The following PDZD7 variants were observed in gnomAD, a reference collection of about 807,000 sequenced individuals.
The protein encoded by PDZD7 is PDZ domain containing 7, also known as PDZ domain-containing protein 7.
Under a neutral mutation model 84.7 loss-of-function variants are expected in PDZD7, and 72 were observed. That is an observed-to-expected ratio of 0.85 (90% CI 0.70 to 1.03). The LOEUF is 1.03. Among genes scored for constraint, PDZD7 ranks in the 50% least tolerant of loss-of-function variants. The pLI is 0.00. For synonymous variants in PDZD7, 594 were observed against 580.7 expected (o/e 1.02, Z -0.33); for missense variants, 1,490 against 1,412.9 (o/e 1.05, Z -0.87).
Position 101,010,840 on chromosome 10 carries a change from C to T in PDZD7, c.2049G>A (p.Pro683=), listed in dbSNP as rs34693310. ...GFYLLPVNGF[P]EEEDNGELRE... ...TCAGCTCCCCATTATCTTCCTCTTC[C>T]GGGAAGCCGTTCACCGGCAGCAGGT... Residue 683 remains proline (P), a synonymous_variant, in exon 15 of 17, where the codon CCG becomes CCA. Transcript: ENST00000619208. 55,313 of 1,534,700 alleles carry T rather than the reference C, an allele frequency of 0.036. 1,554 individuals carry two copies. The highest frequency in any genetic ancestry group is 0.14 in the African/African-American group (10,282 of 73,006).
In PDZD7 at chr10:101,029,986, G is replaced by T. The variant is rs773262625; in HGVS notation, c.226+8C>A. Reference sequence around the variant, plus strand: ...CAACCCAGGCCAGTGGCTGGGTCCCGCCCCTACCTTCGATGGGGGAGTTGA... The same window carrying T: ...CAACCCAGGCCAGTGGCTGGGTCCCTCCCCTACCTTCGATGGGGGAGTTGA... On this transcript the variant is annotated splice_region_variant and intron_variant, in intron 2 of 16. Transcript: ENST00000619208. 20 of 861,690 alleles carry T rather than the reference G, an allele frequency of 2.3e-5. No individual in the cohort carries two copies. In the African/African-American group the frequency reaches 3.1e-4, roughly 14 times the overall value. The allele number at this position is 861,690 out of a possible 1,614,324, so 53.4% of individuals were successfully genotyped here. A position where few individuals can be genotyped will look rare whatever the true frequency, so the allele number is the denominator to read the frequency against.
Position 101,019,118 on chromosome 10 carries a change from G to T in PDZD7, c.1028C>A (p.Pro343Gln). 1 of 1,551,520 alleles carries T rather than the reference G, an allele frequency of 6.4e-7. No individual in the cohort carries two copies. Among genetic ancestry groups the T allele is most frequent in the Non-Finnish European group, 8.7e-7 (1 of 1,155,098 alleles). ...SSAPYSSGSL[P>Q]SDRMDICLGQ... ...GAGGCAGATGTCCATGCGGTCCGAC[G>T]GCAGGGAGCCCGAGCTGTAGGGGGC... Residue 343 changes from proline (P) to glutamine (Q), a missense_variant, in exon 8 of 17, where the codon CCG becomes CAG. Physicochemically the swap from Pro to Gln is moderately conservative, Grantham distance 76. Coordinates refer to ENST00000619208, the MANE Select transcript of PDZD7 (RefSeq NM_001195263.2).
intron 2 of PDZD7, among the ~76,000 whole-genome samples, chr10:101,028,695 G>GGGA (rs1937868218): frequency 6.6e-6 from 1 of 152,148 alleles, no homozygotes; most frequent in Non-Finnish European, 1.5e-5. Flanking sequence ...GTGTATCAGA[G>GGGA]GGAGTATAGC....
At chr10:101,025,872 T>G (rs1355267222) in intron 2 of PDZD7, among the ~76,000 whole-genome samples, 1 of 152,096 alleles carries the variant, frequency 6.6e-6, no homozygotes, top group Non-Finnish European at 1.5e-5. Flanking sequence ...CTAAGACAGA[T>G]AGTAAGCCTC....
At chr10:101,009,444 G>A (rs898296563) in intron 15 of PDZD7, 94 bp from the exon 16 acceptor site, 1 of 968,778 alleles carries the variant, frequency 1.0e-6, no homozygotes, top group African/African-American at 1.6e-5. Flanking sequence ...CAAATCCAAG[G>A]CCCCAACTTC....
Position 101,017,759 on chromosome 10 carries a change from C to T in PDZD7, c.1522+340G>A. ...TGAGATGGTGCCATTACACTCTCGC[C>T]TGGGCAACAAGAGCAAAACTCCATC... On this transcript the variant is annotated intron_variant, in intron 9 of 16. Coordinates refer to ENST00000619208, the MANE Select transcript of PDZD7 (RefSeq NM_001195263.2). 9.5e-6 allele frequency: 5 copies of T among 527,594 alleles called. No individual in the cohort carries two copies. The South Asian group carries it at 1.0e-4, about 11-fold the overall frequency. The allele number at this position is 527,594 out of a possible 1,614,324, so 32.7% of individuals were successfully genotyped here. A position where few individuals can be genotyped will look rare whatever the true frequency, so the allele number is the denominator to read the frequency against.
At chr10:101,011,362 C>T in intron 14 of PDZD7, 1 of 515,100 alleles carries the variant, frequency 1.9e-6, no homozygotes, top group Non-Finnish European at 2.9e-6. Context: ...TTTAATGCTT[C>T]CTGCTGGAAT....
chr10:101,020,620 C>A lies in PDZD7; in HGVS notation c.926G>T (p.Arg309Leu), dbSNP rs528381893. ...CTTGGGAGATCTGAGCCACTTACGT[C>A]GGTCCAGCCAGCAGTACTCAGAAAC... ...EMVSEYCWLD[R>L]LSNGVLQQLS... is the part of the protein sequence containing the mutation. Residue 309 changes from arginine to leucine, a missense_variant and splice_region_variant, in exon 7 of 17, where the codon CGA (arginine) becomes CTA (leucine). Physicochemically the swap from Arg to Leu is moderately radical, Grantham distance 102. Coordinates refer to ENST00000619208, the MANE Select transcript of PDZD7 (RefSeq NM_001195263.2). The A allele has an allele frequency of 5.6e-6, 9 of 1,613,386 alleles. No individual in the cohort carries two copies. Among genetic ancestry groups the A allele is most frequent in the South Asian group, 3.3e-5 (3 of 91,068 alleles).
chr10:101,025,990 A>C (rs1698780016), intron 2 of PDZD7, among the ~76,000 whole-genome samples: 1 of 152,186 alleles, frequency 6.6e-6, no homozygotes, highest in Non-Finnish European at 1.5e-5. Flanking sequence ...TGGAAGTCAG[A>C]GTTCTAGGAA....
intron 2 of PDZD7, among the ~76,000 whole-genome samples, chr10:101,029,674 A>G (rs2134152289): frequency 6.6e-6 from 1 of 152,338 alleles, no homozygotes; most frequent in Middle Eastern, 3.4e-3. Flanking sequence ...GGCAGAGCCC[A>G]TGGGAGAGAG....
rs1590045372 is a variant in PDZD7, at chr10:101,010,713, T to C, written c.2176A>G (p.Thr726Ala). 8.8e-7 allele frequency: 1 copy of C among 1,142,004 alleles called. No homozygotes were observed. The highest frequency in any genetic ancestry group is 5.8e-5 in the East Asian group (1 of 17,288). The allele number at this position is 1,142,004 out of a possible 1,614,324, so 70.7% of individuals were successfully genotyped here. Residue 726 changes from threonine to alanine, a missense_variant, in exon 15 of 17, where the codon ACC becomes GCC. Physicochemically the swap from Thr to Ala is moderately conservative, Grantham distance 58 (BLOSUM62 0). Coordinates refer to ENST00000619208, the MANE Select transcript of PDZD7 (RefSeq NM_001195263.2). Reference protein sequence around the residue: ...PLQDVPVDAFTPLRIACTPPP... With the variant: ...PLQDVPVDAFAPLRIACTPPP... Reference sequence around the variant, plus strand: ...GGTGTGCAGGCAATTCGGAGGGGGGTGAAGGCATCTACTGGCACGTCTTGT... The same window carrying C: ...GGTGTGCAGGCAATTCGGAGGGGGGCGAAGGCATCTACTGGCACGTCTTGT...
rs146641918 is a variant in PDZD7 at position 101,022,345 on chromosome 10, C to T, written c.583G>A (p.Gly195Ser). 1.7e-5 allele frequency: 28 copies of T among 1,614,056 alleles called. No homozygotes were observed. The highest frequency in any genetic ancestry group is 8.9e-5 in the East Asian group (4 of 44,890). ...GAGCTGGTGTCGGAGGGTGTTGAAC[C>T]GCACTTCTCCACTACCAGGCGCCGA... ...VNRRLVVEKC[G>S]STPSDTSSED... Residue 195 changes from glycine to serine, a missense_variant, in exon 5 of 17, where the codon GGT (glycine) becomes AGT (serine). Gly to Ser is a moderately conservative substitution (Grantham distance 56). Coordinates refer to ENST00000619208, the MANE Select transcript of PDZD7 (RefSeq NM_001195263.2).
rs879478497 is a variant in PDZD7 at position 101,019,571 on chromosome 10, CTCCTCCTCCTCCTCCTCT to C, written c.929-372_929-355del. Among the ~76,000 whole-genome samples, 1,132 of 140,744 alleles carry C rather than the reference CTCCTCCTCCTCCTCCTCT, an allele frequency of 8.0e-3. 12 individuals are homozygous for C. The highest frequency in any genetic ancestry group is 1.0e-2 in the South Asian group (43 of 4,306). 92.3% of individuals were successfully genotyped at this position (140,744 alleles called of 152,430 possible). A position where few individuals can be genotyped will look rare whatever the true frequency, so the allele number is the denominator to read the frequency against. On this transcript the variant is annotated intron_variant, in intron 7 of 16. Transcript: ENST00000619208. ...CCTCCTCCTCCTCCTCCTCCTCCTC[CTCCTCCTCCTCCTCCTCT>C]TCTTCTTCTTCTTCTTCCTCCTCTT...
In PDZD7 at chr10:101,030,313, T is replaced by A; in HGVS notation, c.-94A>T. The A allele has an allele frequency of 9.2e-7, 1 of 1,091,390 alleles. No individual in the cohort carries two copies. Among genetic ancestry groups the A allele is most frequent in the Non-Finnish European group, 1.4e-6 (1 of 740,420 alleles). 67.6% of individuals were successfully genotyped at this position (1,091,390 alleles called of 1,614,324 possible). A position where few individuals can be genotyped will look rare whatever the true frequency, so the allele number is the denominator to read the frequency against. On this transcript the variant is annotated 5_prime_UTR_variant, in exon 2 of 17. Transcript: ENST00000619208. ...GCGTGCTTCGAGCTCCATGAGCCTC[T>A]GTGCGGGGCTGGGGTCTCAGTAACG...
At position 101,016,546 on chromosome 10, in the gene PDZD7, G is replaced by A. The variant is rs543767748; in HGVS notation, c.1523-119C>T. ...AGACTGGAAGTAGGTGGGATAGGGA[G>A]GCAAGAGGCCTGGCCCTGAGGGGCT... On this transcript the variant is annotated intron_variant, in intron 9 of 16. Transcript: ENST00000619208. The A allele has an allele frequency of 5.5e-5, 59 of 1,082,302 alleles. No homozygotes were observed. In the South Asian group the frequency reaches 7.8e-4, roughly 14 times the overall value. The allele number at this position is 1,082,302 out of a possible 1,614,324, so 67.0% of individuals were successfully genotyped here.
rs916653126 is a variant in PDZD7, at chr10:101,016,424, C to G, written c.1526G>C (p.Gly509Ala). 3.2e-6 allele frequency: 5 copies of G among 1,550,646 alleles called. No homozygotes were observed. The highest frequency in any genetic ancestry group is 3.3e-4 in the Middle Eastern group (2 of 5,990). Residue 509 changes from glycine to alanine, a missense_variant, in exon 10 of 17, where the codon GGG becomes GCG. Transcript: ENST00000619208. ...AAACTTCTGTACCGGGCCCACGCCCCCTGCTATGAAGAAGAAAGAGGCTCA... is the reference window on the plus strand; with the variant it reads ...AAACTTCTGTACCGGGCCCACGCCCGCTGCTATGAAGAAGAAAGAGGCTCA... Reference protein sequence around the residue: ...TYPRLDIEKAGGVGPVQKFVT... With the variant: ...TYPRLDIEKAAGVGPVQKFVT...
At chr10:101,025,052 G>A (rs752501047) in intron 2 of PDZD7, among the ~76,000 whole-genome samples, 6 of 152,138 alleles carry the variant, frequency 3.9e-5, no homozygotes, top group Non-Finnish European at 5.9e-5. Context: ...ATCTTCAAAT[G>A]CTTGTAGAGC....
Position 101,010,635 on chromosome 10 carries a change from G to C in PDZD7, c.2254C>G (p.Leu752Val). Residue 752 changes from leucine to valine, a missense_variant, in exon 15 of 17, where the codon CTG becomes GTG. Transcript: ENST00000619208. Reference protein sequence around the residue: ...APRPLRPNWLLTEPLSREHPP... With the variant: ...APRPLRPNWLVTEPLSREHPP... ...TGCTCTCGGCTCAGGGGTTCTGTCA[G>C]CAGCCAGTTAGGCCGCAGGGGCCGG... 6.6e-7 allele frequency: 1 copy of C among 1,505,728 alleles called. No individual in the cohort carries two copies. Among genetic ancestry groups the C allele is most frequent in the East Asian group, 2.5e-5 (1 of 40,460 alleles). 93.3% of individuals were successfully genotyped at this position (1,505,728 alleles called of 1,614,324 possible).
At chr10:101,011,333 G>A (rs188675719) in intron 14 of PDZD7, 70 of 431,700 alleles carry the variant, frequency 1.6e-4, no homozygotes, top group Admixed American at 3.7e-4. Context: ...GAGCCACCGC[G>A]CCCGGCCTAG....
Sources: gnomAD v4.1 joint callset for allele counts (sites outside exome capture counted in the v4.1 genomes callset) on GRCh38, gnomAD v4.1.1 for gene constraint, MANE v1.5 for transcripts, NCBI Gene and HGNC (gene_info 2026-07-23, HGNC 2026-07-21) for gene names.